The following NRXN1 variants were observed in gnomAD, a reference collection of about 807,000 sequenced individuals.
NRXN1 encodes the protein neurexin-1.
A neutral mutation model predicts 150.9 loss-of-function variants in NRXN1; 39 were observed. That is an observed-to-expected ratio of 0.26 (90% confidence interval 0.20 to 0.34). NRXN1 has a LOEUF of 0.34. Ranked by LOEUF, NRXN1 falls within the 10% of genes least tolerant of loss-of-function variation. The probability of loss-of-function intolerance (pLI) is 1.00; values close to 1 mark genes in which losing one functional copy is unlikely to be tolerated. For missense variants in NRXN1, 1,815 were observed against 1,949.9 expected, an observed-to-expected ratio of 0.93 and a Z score of 1.30; for synonymous variants, 924 against 757.0, an observed-to-expected ratio of 1.22 and a Z score of -3.62.
chr2:50,668,808 G>A (rs763485096), intron 5 of NRXN1, among the ~76,000 whole-genome samples: 7 of 152,056 alleles, frequency 4.6e-5, no homozygotes, highest in Middle Eastern at 3.4e-3. Context: ...TTATGGAATA[G>A]GAATTTCAGG....
chr2:50,054,961 C>G lies in NRXN1; in HGVS notation c.3802G>C (p.Asp1268His). 6.4e-7 allele frequency: 1 copy of G among 1,562,378 alleles called. No homozygotes were observed. Among genetic ancestry groups the G allele is most frequent in the Non-Finnish European group, 8.7e-7 (1 of 1,155,482 alleles). ...LGRVVDEWLL[D>H]KGRQLTIFNS... ...TTTAATCAATGTTTTTTACCTTTGT[C>G]GAGTAGCCATTCATCAACTACTCGA... The change falls in exon 20 of 23, where the codon GAC (aspartate) becomes CAC (histidine). Residue 1268 changes from aspartate (D) to histidine (H), a missense_variant. Asp to His is a moderately conservative substitution (Grantham distance 81). Transcript: ENST00000401669.
chr2:50,809,066 T>C (rs746453932), intron 5 of NRXN1, among the ~76,000 whole-genome samples: 1 of 152,144 alleles, frequency 6.6e-6, no homozygotes, highest in Non-Finnish European at 1.5e-5. Context: ...ATGGGATTTA[T>C]AGAAAGTCAG....
chr2:50,122,667 A>G (rs1704026990), intron 18 of NRXN1, among the ~76,000 whole-genome samples: 2 of 152,210 alleles, frequency 1.3e-5, no homozygotes, highest in South Asian at 4.1e-4. Context: ...ACAAAGACTC[A>G]TTTCCAGCTC....
At chr2:50,828,413 G>A (rs1330726432) in intron 5 of NRXN1, among the ~76,000 whole-genome samples, 1 of 151,406 alleles carries the variant, frequency 6.6e-6, no homozygotes, top group African/African-American at 2.4e-5. Context: ...CCGGGCGGAG[G>A]GGCTCCTCAC....
chr2:50,394,390 TC>T (rs1432078733), intron 17 of NRXN1, among the ~76,000 whole-genome samples: 1 of 152,140 alleles, frequency 6.6e-6, no homozygotes, highest in East Asian at 1.9e-4. Flanking sequence ...GTCTTGATTT[TC>T]CATTCGCAAC....
At chr2:50,628,131 C>T (rs541491549) in intron 5 of NRXN1, among the ~76,000 whole-genome samples, 6 of 151,784 alleles carry the variant, frequency 4.0e-5, no homozygotes, top group African/African-American at 1.4e-4. Context: ...CATTCCAAAT[C>T]TGCATAACTC....
chr2:50,035,404 AAAAC>A (rs1163167384), intron 21 of NRXN1, among the ~76,000 whole-genome samples: 1 of 152,082 alleles, frequency 6.6e-6, no homozygotes, highest in Non-Finnish European at 1.5e-5. Context: ...TTTAGATTGC[AAAAC>A]AAACAAAAAA....
intron 15 of NRXN1, among the ~76,000 whole-genome samples, chr2:50,478,803 T>C (rs2090205603): frequency 6.6e-6 from 1 of 152,196 alleles, no homozygotes; most frequent in South Asian, 2.1e-4. Context: ...GATTGGAAAT[T>C]CAGTATCATT....
At chr2:50,106,653 A>T (rs1701685793) in intron 18 of NRXN1, among the ~76,000 whole-genome samples, 1 of 151,962 alleles carries the variant, frequency 6.6e-6, no homozygotes, top group African/African-American at 2.4e-5. Flanking sequence ...GTCAAAATTA[A>T]ATTATTCCAT....
intron 5 of NRXN1, among the ~76,000 whole-genome samples, chr2:50,686,339 G>A (rs527836604): frequency 1.3e-5 from 2 of 152,160 alleles, no homozygotes; most frequent in East Asian, 1.9e-4. Context: ...AACAGTTGAC[G>A]TTGCAACCAG....
At chr2:50,170,546 C>T (rs937352215) in intron 18 of NRXN1, among the ~76,000 whole-genome samples, 4 of 152,122 alleles carry the variant, frequency 2.6e-5, no homozygotes, top group East Asian at 3.9e-4. Flanking sequence ...ATTCGCCCAC[C>T]TTGGCCTCCC....
At chr2:50,818,192 G>T (rs1290552399) in intron 5 of NRXN1, among the ~76,000 whole-genome samples, 8 of 135,792 alleles carry the variant, frequency 5.9e-5, no homozygotes, top group Admixed American at 1.5e-4. Flanking sequence ...AAAAACAATT[G>T]TTTTTTTTTT....
At chr2:50,662,263 G>A (rs1687406177) in intron 5 of NRXN1, among the ~76,000 whole-genome samples, 1 of 151,982 alleles carries the variant, frequency 6.6e-6, no homozygotes. Context: ...TGCACAGGGA[G>A]TTAGTGGCCA....
rs1574996388 is a variant in NRXN1 at position 50,940,468 on chromosome 2, C to T, written c.773-14513G>A. 2.2e-5 allele frequency among the ~76,000 whole-genome samples: 3 copies of T among 136,786 alleles called. No individual in the cohort carries two copies. In the South Asian group the frequency reaches 7.1e-4, roughly 32 times the overall value. The allele number at this position is 136,786 out of a possible 152,430, so 89.7% of individuals were successfully genotyped here. ...CCAACCTGGTGACAGAGCAAGACTC[C>T]ATCTCAAAAAAAAAAAAAAAAGAAA... is the stretch of plus-strand genomic sequence containing the variant. On this transcript the variant is annotated intron_variant, in intron 2 of 22. Coordinates refer to ENST00000401669, the MANE Select transcript of NRXN1 (RefSeq NM_001330078.2).
intron 18 of NRXN1, among the ~76,000 whole-genome samples, chr2:50,218,332 G>A (rs921697380): frequency 1.3e-5 from 2 of 150,530 alleles, no homozygotes; most frequent in African/African-American, 4.9e-5. Flanking sequence ...TGGGAATTGG[G>A]TGACAGTTAG....
intron 21 of NRXN1, among the ~76,000 whole-genome samples, chr2:49,980,186 G>T (rs1230527533): frequency 6.6e-6 from 1 of 152,116 alleles, no homozygotes. Context: ...TAGCGTTCCA[G>T]AATAGTTGTT....
intron 17 of NRXN1, among the ~76,000 whole-genome samples, chr2:50,254,803 A>G (rs2067532001): frequency 6.6e-6 from 1 of 152,012 alleles, no homozygotes; most frequent in African/African-American, 2.4e-5. Flanking sequence ...ATCTATCCAC[A>G]TTTATTTTTT....
intron 17 of NRXN1, among the ~76,000 whole-genome samples, chr2:50,374,185 C>A (rs2080317201): frequency 6.6e-6 from 1 of 151,734 alleles, no homozygotes; most frequent in African/African-American, 2.4e-5. Flanking sequence ...GTAGTCCCAG[C>A]TACTCCGGAG....
chr2:50,721,730 A>G (rs1277888061), intron 5 of NRXN1, among the ~76,000 whole-genome samples: 1 of 152,172 alleles, frequency 6.6e-6, no homozygotes, highest in Non-Finnish European at 1.5e-5. Context: ...TTTTTCATAC[A>G]TTATTTTATT....
Sources: gnomAD v4.1 joint callset for allele counts (sites outside exome capture counted in the v4.1 genomes callset) on GRCh38, gnomAD v4.1.1 for gene constraint, MANE v1.5 for transcripts, NCBI Gene and HGNC (gene_info 2026-07-23, HGNC 2026-07-21) for gene names.